LIPA: variants seen among roughly 807,000 people sequenced by gnomAD.
LIPA encodes lysosomal acid lipase/cholesteryl ester hydrolase.
A neutral mutation model predicts 40.6 loss-of-function variants in LIPA; 26 were observed. That is an observed-to-expected ratio of 0.64 (90% CI 0.47 to 0.89). The LOEUF (loss-of-function observed/expected upper bound fraction) is 0.89, where lower values mean the gene tolerates loss of function less well. Among genes scored for constraint, LIPA ranks in the 40% least tolerant of loss-of-function variants. The probability of loss-of-function intolerance (pLI) is 0.00; values close to 1 mark genes in which losing one functional copy is unlikely to be tolerated. For missense variants in LIPA, 455 were observed against 479.6 expected (o/e 0.95, Z 0.48); for synonymous variants, 188 against 168.4 (o/e 1.12, Z -0.90).
chr10:89,307,479 G>T, intron 1 of LIPA: 1 of 923,114 alleles, frequency 1.1e-6, no homozygotes, highest in East Asian at 2.5e-5. Context: ...GCAAAAGATT[G>T]GACTAAGACA....
intron 1 of LIPA, among the ~76,000 whole-genome samples, chr10:89,317,614 G>T (rs981146479): frequency 6.6e-6 from 1 of 152,236 alleles, no homozygotes; most frequent in African/African-American, 2.4e-5. Flanking sequence ...AAGTGACACG[G>T]AGAATGGAAC....
chr10:89,397,052 T>C (rs1315950812), intron 2 of LIPA, among the ~76,000 whole-genome samples: 1 of 152,214 alleles, frequency 6.6e-6, no homozygotes. Flanking sequence ...GGACACTTCT[T>C]TACAATTCAC....
intron 3 of LIPA, among the ~76,000 whole-genome samples, chr10:89,237,615 C>T (rs539925300): frequency 1.5e-4 from 23 of 152,254 alleles, no homozygotes; most frequent in African/African-American, 5.5e-4. Flanking sequence ...ATCTGCTAAT[C>T]CCTGAGCCTT....
At chr10:89,369,662 T>G (rs991051665) in intron 2 of LIPA, among the ~76,000 whole-genome samples, 5 of 152,248 alleles carry the variant, frequency 3.3e-5, no homozygotes, top group East Asian at 3.8e-4. Flanking sequence ...TTTTCCTAAA[T>G]AGAAGTGTTT....
intron 1 of LIPA, chr10:89,414,326 G>A (rs1283526802): frequency 6.4e-6 from 1 of 155,846 alleles, no homozygotes; most frequent in Non-Finnish European, 1.4e-5. Context: ...GATCACGACT[G>A]GGTGACACAG....
chr10:89,254,590 TG>T (rs1299772539), upstream of LIPA, among the ~76,000 whole-genome samples: 1 of 152,260 alleles, frequency 6.6e-6, no homozygotes, highest in Non-Finnish European at 1.5e-5. Flanking sequence ...CCCATTGTCT[TG>T]GTAATTAACA....
At chr10:89,307,508 A>G (rs1041894109) in intron 1 of LIPA, 17 of 729,452 alleles carry the variant, frequency 2.3e-5, no homozygotes, top group Non-Finnish European at 3.3e-5. Context: ...ACCACTGGAC[A>G]GGGTTATGTT....
At chr10:89,308,366 A>G (rs962803834) in intron 1 of LIPA, 1 of 151,970 alleles carries the variant, frequency 6.6e-6, no homozygotes, top group Non-Finnish European at 1.5e-5. Context: ...AAATGCTTTC[A>G]TGAACCTGGT....
At chr10:89,293,776 G>A (rs1843392338) in intron 1 of LIPA, 1 of 151,734 alleles carries the variant, frequency 6.6e-6, no homozygotes, top group African/African-American at 2.4e-5. Context: ...ACCAGATTAG[G>A]GGTTACCAGA....
chr10:89,339,061 T>C (rs759233297), intron 1 of LIPA: 3 of 1,614,116 alleles, frequency 1.9e-6, no homozygotes, highest in Admixed American at 3.3e-5. Flanking sequence ...TATTGAGTAT[T>C]CTGAACTTGA....
At chr10:89,341,281 G>C (rs868069328) in intron 1 of LIPA, among the ~76,000 whole-genome samples, 1 of 152,186 alleles carries the variant, frequency 6.6e-6, no homozygotes, top group African/African-American at 2.4e-5. Flanking sequence ...CAGAGTGTGA[G>C]GGACATCAGT....
chr10:89,229,410 A>G (rs1353967006), intron 3 of LIPA, among the ~76,000 whole-genome samples: 3 of 152,234 alleles, frequency 2.0e-5, no homozygotes, highest in South Asian at 2.1e-4. Context: ...AGGTAGACAC[A>G]TGCCATCATA....
At chr10:89,378,225 G>C (rs1844136899) in intron 2 of LIPA, 9 of 1,386,750 alleles carry the variant, frequency 6.5e-6, no homozygotes, top group Non-Finnish European at 9.2e-6. Flanking sequence ...TTTTTGACAG[G>C]CCTTCTCCTA....
At chr10:89,265,464 T>A (rs989777324) in intron 1 of LIPA, among the ~76,000 whole-genome samples, 5 of 152,234 alleles carry the variant, frequency 3.3e-5, no homozygotes, top group African/African-American at 1.2e-4. Flanking sequence ...AGTAAACATA[T>A]CCTTTTGTGG....
chr10:89,366,158 G>T (rs1444510298), intron 2 of LIPA, among the ~76,000 whole-genome samples: 1 of 152,096 alleles, frequency 6.6e-6, no homozygotes, highest in Admixed American at 6.5e-5. Context: ...GCTTGAAGAG[G>T]TCCTTCACAT....
At chr10:89,216,067 A>C in intron 8 of LIPA, 58 bp from the exon 9 acceptor site, 1 of 1,167,810 alleles carries the variant, frequency 8.6e-7, no homozygotes, top group Non-Finnish European at 1.3e-6. Flanking sequence ...AGATAACATC[A>C]TAGGTTGCTG....
chr10:89,388,184 C>T (rs533772682), intron 2 of LIPA, among the ~76,000 whole-genome samples: 1 of 152,142 alleles, frequency 6.6e-6, no homozygotes, highest in Admixed American at 6.5e-5. Context: ...CAGCTCACTG[C>T]AATCTCCGCC....
intron 1 of LIPA, chr10:89,307,280 C>G (rs1367661721): frequency 6.2e-7 from 1 of 1,613,920 alleles, no homozygotes; most frequent in South Asian, 1.1e-5. Flanking sequence ...CCTTCAGGAG[C>G]TGAATGAAAA....
At chr10:89,321,440 A>G (rs1843571647) in intron 1 of LIPA, among the ~76,000 whole-genome samples, 1 of 152,240 alleles carries the variant, frequency 6.6e-6, no homozygotes, top group South Asian at 2.1e-4. Context: ...AAAAGAAGAC[A>G]TTTATGCAGC....
Sources: gnomAD v4.1 joint callset for allele counts (sites outside exome capture counted in the v4.1 genomes callset) on GRCh38, gnomAD v4.1.1 for gene constraint, MANE v1.5 for transcripts, NCBI Gene and HGNC (gene_info 2026-07-23, HGNC 2026-07-21) for gene names.